DGLUCY: variants seen among roughly 807,000 people sequenced by gnomAD.
DGLUCY encodes D-glutamate cyclase.
Under a neutral mutation model 58.5 loss-of-function variants are expected in DGLUCY, and 58 were observed. The observed-to-expected ratio is 0.99, with a 90% CI of 0.80 to 1.23. The LOEUF (loss-of-function observed/expected upper bound fraction) is 1.23, where lower values mean the gene tolerates loss of function less well. DGLUCY is among the 50% of genes most tolerant of loss of function. The probability of loss-of-function intolerance (pLI) is 0.00; values close to 1 mark genes in which losing one functional copy is unlikely to be tolerated. For synonymous variants in DGLUCY, 325 were observed against 314.1 expected (o/e 1.03, Z -0.37); for missense variants, 779 against 784.7 (o/e 0.99, Z 0.09).
intron 7 of DGLUCY, among the ~76,000 whole-genome samples, chr14:91,178,367 T>G (rs1157844314): frequency 6.6e-6 from 1 of 152,102 alleles, no homozygotes; most frequent in African/African-American, 2.4e-5. Flanking sequence ...TCTCACTATG[T>G]TGCCCAAGCT....
Position 91,157,235 on chromosome 14 carries a change from A to G in DGLUCY, c.-81-404A>G, listed in dbSNP as rs12883802. Among the ~76,000 whole-genome samples the G allele has an allele frequency of 1.8e-3, 194 of 109,426 alleles. 3 individuals are homozygous for G. The highest frequency in any genetic ancestry group is 6.5e-3 in the African/African-American group (178 of 27,242). The allele number at this position is 109,426 out of a possible 152,430, so 71.8% of individuals were successfully genotyped here. On this transcript the variant is annotated intron_variant, in intron 1 of 13. Transcript: ENST00000256324. ...AATGGGTGGATGGATGGATGGGTGG[A>G]TGGATGGATGGATGGATGGATGAAT...
chr14:91,170,330 A>AC (rs113777779), intron 5 of DGLUCY, 129 bp downstream of exon 5: 64,801 of 1,048,156 alleles, frequency 0.062, 4,874 homozygotes, highest in African/African-American at 0.34. Flanking sequence ...CAGCTCAGCC[A>AC]TTTCTAGCTG....
upstream of DGLUCY, among the ~76,000 whole-genome samples, chr14:91,106,982 A>T (rs1384733936): frequency 1.3e-5 from 2 of 152,188 alleles, no homozygotes; most frequent in Non-Finnish European, 2.9e-5. Flanking sequence ...TACAGTTTGC[A>T]ATTGCTTATT....
Position 91,140,735 on chromosome 14 carries a change from C to T in DGLUCY, c.-81-16904C>T, listed in dbSNP as rs193044680. Among the ~76,000 whole-genome samples the T allele has an allele frequency of 2.8e-3, 433 of 152,244 alleles. 4 individuals are homozygous for T. Among genetic ancestry groups the T allele is most frequent in the African/African-American group, 9.2e-3 (381 of 41,546 alleles). ...GCCTGATAAACAGTCACCACCCATT[C>T]GTAATCTGTGCTGCCACACCTCTAG... On this transcript the variant is annotated intron_variant, in intron 1 of 13. Coordinates refer to ENST00000256324, the MANE Select transcript of DGLUCY (RefSeq NM_001102368.3).
chr14:91,084,687 G>T (rs954650576), intron 1 of DGLUCY, among the ~76,000 whole-genome samples: 2 of 152,118 alleles, frequency 1.3e-5, no homozygotes, highest in African/African-American at 4.8e-5. Flanking sequence ...CCTTAGCTTT[G>T]GTCTGCTCCA....
rs147388090 is a variant in DGLUCY, at chr14:91,180,036, C to T, written c.731-1150C>T. Among the ~76,000 whole-genome samples the T allele has an allele frequency of 6.9e-3, 1,042 of 150,452 alleles. 9 individuals carry two copies. The highest frequency in any genetic ancestry group is 0.011 in the Non-Finnish European group (771 of 67,600). The stretch of plus-strand genomic sequence containing the variant: ...CCTCCCAAGTAGCTGGGATTACAGG[C>T]GCACCACCAAGCTGGGCTAATTTTT... On this transcript the variant is annotated intron_variant, in intron 7 of 13. Transcript: ENST00000256324.
intron 1 of DGLUCY, among the ~76,000 whole-genome samples, chr14:91,079,596 G>A (rs1413595552): frequency 6.6e-6 from 1 of 151,962 alleles, no homozygotes; most frequent in Non-Finnish European, 1.5e-5. Context: ...GATTTCTAAT[G>A]ACTGCCTGAT....
intron 1 of DGLUCY, among the ~76,000 whole-genome samples, chr14:91,085,009 T>A (rs148094668): frequency 1.0e-3 from 159 of 152,080 alleles, no homozygotes; most frequent in African/African-American, 3.6e-3. Flanking sequence ...ACAGTCTGAG[T>A]CCAGGAGTTC....
At chr14:91,164,825 G>T (rs577342113) in intron 3 of DGLUCY, among the ~76,000 whole-genome samples, 4 of 152,336 alleles carry the variant, frequency 2.6e-5, no homozygotes, top group African/African-American at 9.6e-5. Context: ...CCCAAGTCCT[G>T]CTGTAACCAC....
At position 91,176,037 on chromosome 14, in the gene DGLUCY, C is replaced by T. The variant is rs115154303; in HGVS notation, c.711C>T (p.Leu237=). 2.3e-4 allele frequency: 364 copies of T among 1,613,956 alleles called. No homozygotes were observed. Among genetic ancestry groups the T allele is most frequent in the African/African-American group, 1.9e-3 (143 of 75,032 alleles). ...PVFWPSPLTS[L]GAVSSCETPL... ...TCTGGCCTTCTCCGCTGACCAGTCTCGGAGCTGTCAGCAGCTGTGGTACGT... is the reference window on the plus strand; with the variant it reads ...TCTGGCCTTCTCCGCTGACCAGTCTTGGAGCTGTCAGCAGCTGTGGTACGT... Residue 237 remains leucine (L), a synonymous_variant, in exon 7 of 14, where the codon CTC becomes CTT. Transcript: ENST00000256324.
chr14:91,173,689 A>C, intron 6 of DGLUCY: 1 of 435,332 alleles, frequency 2.3e-6, no homozygotes, highest in Non-Finnish European at 4.0e-6. Flanking sequence ...AAGGCCCTGA[A>C]CAAGGCTCAA....
At chr14:91,210,468 G>A (rs773601883) in intron 12 of DGLUCY, among the ~76,000 whole-genome samples, 2 of 151,992 alleles carry the variant, frequency 1.3e-5, no homozygotes, top group Non-Finnish European at 2.9e-5. Context: ...GGAGTTGGAG[G>A]CTGCAGTCTG....
intron 1 of DGLUCY, among the ~76,000 whole-genome samples, chr14:91,153,265 C>T (rs2047421094): frequency 6.6e-6 from 1 of 152,144 alleles, no homozygotes; most frequent in African/African-American, 2.4e-5. Flanking sequence ...TCACTGCAAC[C>T]TCTGCCTCCC....
intron 3 of DGLUCY, chr14:91,165,400 G>C: frequency 2.5e-6 from 1 of 401,148 alleles, no homozygotes. Flanking sequence ...CAAAGCCACA[G>C]CCTGGGTTCA....
chr14:91,188,754 A>G (rs2049682514), intron 8 of DGLUCY, among the ~76,000 whole-genome samples, 156 bp from the exon 9 acceptor site: 1 of 152,178 alleles, frequency 6.6e-6, no homozygotes, highest in African/African-American at 2.4e-5. Flanking sequence ...ACGTGAGCCC[A>G]GGAGTTTGAG....
intron 1 of DGLUCY, among the ~76,000 whole-genome samples, chr14:91,146,751 C>A (rs1469692032): frequency 6.6e-6 from 1 of 152,226 alleles, no homozygotes; most frequent in Non-Finnish European, 1.5e-5. Context: ...TGAGGCATAA[C>A]AACAGCTGCA....
chr14:91,165,495 T>C (rs2048226460), intron 3 of DGLUCY, among the ~76,000 whole-genome samples: 1 of 152,212 alleles, frequency 6.6e-6, no homozygotes, highest in Non-Finnish European at 1.5e-5. Flanking sequence ...GGAGGAAGGC[T>C]GGCTGCCCCA....
chr14:91,136,228 C>T (rs1405984130), intron 1 of DGLUCY, among the ~76,000 whole-genome samples: 4 of 151,530 alleles, frequency 2.6e-5, no homozygotes, highest in Admixed American at 1.3e-4. Context: ...CCACCGAGCC[C>T]GGCCACATTA....
intron 1 of DGLUCY, among the ~76,000 whole-genome samples, chr14:91,096,871 C>T (rs922395976): frequency 2.0e-5 from 3 of 152,154 alleles, no homozygotes; most frequent in Admixed American, 6.5e-5. Flanking sequence ...TTACTGAGCT[C>T]GCACTGGGAA....
Sources: gnomAD v4.1 joint callset for allele counts (sites outside exome capture counted in the v4.1 genomes callset) on GRCh38, gnomAD v4.1.1 for gene constraint, MANE v1.5 for transcripts, NCBI Gene and HGNC (gene_info 2026-07-23, HGNC 2026-07-21) for gene names.